ELMO3: variants seen among roughly 807,000 people sequenced by gnomAD.
The protein encoded by ELMO3 is engulfment and cell motility 3.
Under a neutral mutation model 89.0 loss-of-function variants are expected in ELMO3, and 81 were observed. That is an observed-to-expected ratio of 0.91 (90% confidence interval 0.76 to 1.09). ELMO3 has a LOEUF of 1.09. ELMO3 is among the 50% of genes least tolerant of loss of function. The pLI is 0.00. For missense variants in ELMO3, 959 were observed against 972.8 expected, an observed-to-expected ratio of 0.99 and a Z score of 0.19; for synonymous variants, 406 against 400.6, an observed-to-expected ratio of 1.01 and a Z score of -0.16.
rs780213543 is a variant in ELMO3, at chr16:67,200,706, T to A, written c.563T>A (p.Leu188Gln). Residue 188 changes from leucine to glutamine, a missense_variant, in exon 7 of 20, where the codon CTG (leucine) becomes CAG (glutamine). Coordinates refer to ENST00000393997, the MANE Select transcript of ELMO3 (RefSeq NM_024712.5). ...MNLMDASVPP[L>Q]ALGLLESVTL... Reference sequence around the variant, plus strand: ...CTCATGGATGCCTCCGTGCCTCCCCTGGCCCTTGGGCTGCTGGAGAGTGTG... The same window carrying A: ...CTCATGGATGCCTCCGTGCCTCCCCAGGCCCTTGGGCTGCTGGAGAGTGTG... 3.7e-6 allele frequency: 6 copies of A among 1,613,520 alleles called. No individual in the cohort carries two copies. In the Admixed American group the frequency reaches 5.0e-5, roughly 13 times the overall value.
chr16:67,199,139 C>A lies in ELMO3; in HGVS notation c.-188C>A. 1 of 1,599,208 alleles carries A rather than the reference C, an allele frequency of 6.3e-7. No individual in the cohort carries two copies. Among genetic ancestry groups the A allele is most frequent in the Non-Finnish European group, 8.5e-7 (1 of 1,175,776 alleles). On this transcript the variant is annotated 5_prime_UTR_variant, in exon 1 of 20. Transcript: ENST00000393997. ...CCCCCAGACTCCAACCCGGAACTAA[C>A]CTCGGCTCCCTTGGGAAGGCCGCGT...
chr16:67,201,433 A>G lies in ELMO3; in HGVS notation c.793A>G (p.Lys265Glu), dbSNP rs763563032. 5.6e-6 allele frequency: 9 copies of G among 1,613,832 alleles called. No homozygotes were observed. The highest frequency in any genetic ancestry group is 6.8e-6 in the Non-Finnish European group (8 of 1,179,974). ...WQRNLRQFIYKNIIHSAAPMG... is the reference protein window; with the variant it reads ...WQRNLRQFIYENIIHSAAPMG... ...GAGGAACCTTCGCCAGTTCATCTAT[A>G]AGGTAGGAAGTGGTGGGCCAGGGGG... Residue 265 changes from lysine to glutamate, a missense_variant and splice_region_variant, in exon 9 of 20, where the codon AAG becomes GAG. Physicochemically the swap from Lys to Glu is moderately conservative, Grantham distance 56. Coordinates refer to ENST00000393997, the MANE Select transcript of ELMO3 (RefSeq NM_024712.5).
In ELMO3 at chr16:67,199,160, C is replaced by G. The variant is rs775931538; in HGVS notation, c.-167C>G. ...CTAACCTCGGCTCCCTTGGGAAGGC[C>G]GCGTTGCATGGCCAGGAGCAGCAGT... On this transcript the variant is annotated 5_prime_UTR_variant, in exon 1 of 20. Coordinates refer to ENST00000393997, the MANE Select transcript of ELMO3 (RefSeq NM_024712.5). 19 of 1,607,360 alleles carry G rather than the reference C, an allele frequency of 1.2e-5. No homozygotes were observed. Among genetic ancestry groups the G allele is most frequent in the African/African-American group, 2.7e-5 (2 of 74,910 alleles).
Position 67,202,738 on chromosome 16 carries a change from C to T in ELMO3, c.1510C>T (p.Leu504=). The T allele has an allele frequency of 6.2e-7, 1 of 1,613,682 alleles. No individual in the cohort carries two copies. The highest frequency in any genetic ancestry group is 8.5e-7 in the Non-Finnish European group (1 of 1,179,998). ...GCTCACTTATGGGGAGGTGCTGCGGCTGCGGCAGACTGAACGGCTGCACCA... is the reference window on the plus strand; with the variant it reads ...GCTCACTTATGGGGAGGTGCTGCGGTTGCGGCAGACTGAACGGCTGCACCA... The part of the protein sequence containing the change: ...NALTYGEVLR[L]RQTERLHQEG... The change falls in exon 15 of 20, where the codon CTG becomes TTG. Residue 504 remains leucine, a synonymous_variant. Transcript: ENST00000393997.
In ELMO3 at chr16:67,203,206, A is replaced by G. The variant is rs913667089; in HGVS notation, c.1763A>G (p.Glu588Gly). The G allele has an allele frequency of 7.5e-6, 12 of 1,609,830 alleles. No homozygotes were observed. Among genetic ancestry groups the G allele is most frequent in the Admixed American group, 1.7e-5 (1 of 59,902 alleles). ...MEEGASPPTLESLPEQLPVAD... is the reference protein window; with the variant it reads ...MEEGASPPTLGSLPEQLPVAD... ...GAGGGCGCCAGCCCGCCTACCCTGG[A>G]GAGTCTGCCCGAGCAACGTAAGGCG... Residue 588 changes from glutamate to glycine, a missense_variant, in exon 17 of 20, where the codon GAG becomes GGG. By Grantham distance (98) the Glu-to-Gly change is moderately conservative (BLOSUM62 -2). Transcript: ENST00000393997. The surrounding 1 kb of genome is among the most constrained non-coding windows in gnomAD (Gnocchi z 4.6).
Position 67,201,647 on chromosome 16 carries a change from G to A in ELMO3, c.918+5G>A, listed in dbSNP as rs1471395017. The A allele has an allele frequency of 6.2e-7, 1 of 1,611,722 alleles. No individual in the cohort carries two copies. Among genetic ancestry groups the A allele is most frequent in the East Asian group, 2.2e-5 (1 of 44,872 alleles). ...CCCCTGGACCCCTACAGCCAGGTGT[G>A]TGTCTTTGGTGAGGACAAGGCAGGG... On this transcript the variant is annotated splice_donor_5th_base_variant and intron_variant, in intron 10 of 19. Transcript: ENST00000393997.
At position 67,199,695 on chromosome 16, in the gene ELMO3, C is replaced by T. The variant is rs1258781730; in HGVS notation, c.131C>T (p.Thr44Met). 6.2e-7 allele frequency: 1 copy of T among 1,610,774 alleles called. No homozygotes were observed. Among genetic ancestry groups the T allele is most frequent in the Non-Finnish European group, 8.5e-7 (1 of 1,179,862 alleles). ...LKEVCDAWSL[T>M]HSERYALQFA... ...CTCGTGCCCCTCAGGTGGAGCCTGACGCACTCTGAGCGTTACGCCCTGCAG... is the reference window on the plus strand; with the variant it reads ...CTCGTGCCCCTCAGGTGGAGCCTGATGCACTCTGAGCGTTACGCCCTGCAG... The change falls in exon 3 of 20, where the codon ACG becomes ATG. Residue 44 changes from threonine to methionine, a missense_variant. Thr to Met is a moderately conservative substitution (Grantham distance 81, BLOSUM62 -1). Coordinates refer to ENST00000393997, the MANE Select transcript of ELMO3 (RefSeq NM_024712.5).
At chr16:67,201,714 C>T (rs1273616929) in intron 10 of ELMO3, 28 bp from the exon 11 acceptor site, 18 of 1,607,742 alleles carry the variant, frequency 1.1e-5, no homozygotes, top group Non-Finnish European at 1.4e-5. Context: ...TCTTGATCCC[C>T]TCCCCCGCCA....
chr16:67,200,206 G>A lies in ELMO3; in HGVS notation c.258G>A (p.Glu86=). 6.2e-7 allele frequency: 1 copy of A among 1,612,588 alleles called. No homozygotes were observed. Residue 86 remains glutamate (E), a synonymous_variant, in exon 5 of 20, where the codon GAG becomes GAA. Transcript: ENST00000393997. The part of the protein sequence containing the change: ...CLSTAPDLEA[E]QLLGGLQSNS... ...GTTCCTGCCAGGACCTTGAGGCTGA[G>A]CAGCTCTTGGGTGGGCTGCAGAGTA...
chr16:67,203,982 TAAAG>T lies in ELMO3; in HGVS notation c.*106_*109del. On this transcript the variant is annotated 3_prime_UTR_variant, in exon 20 of 20. Transcript: ENST00000393997. This position sits in a 1 kb window ranked among gnomAD's most constrained non-coding sequence, Gnocchi z 4.6. Reference sequence around the variant, plus strand: ...TGACCAGCAGAGATTGCTGCAGAAATAAAGTCTGCTTGGCTCTTGGGATATGTTG... The same window carrying T: ...TGACCAGCAGAGATTGCTGCAGAAATTCTGCTTGGCTCTTGGGATATGTTG... The T allele has an allele frequency of 9.4e-7, 1 of 1,063,528 alleles. No individual in the cohort carries two copies. Among genetic ancestry groups the T allele is most frequent in the Admixed American group, 2.8e-5 (1 of 35,796 alleles). 65.9% of individuals were successfully genotyped at this position (1,063,528 alleles called of 1,614,324 possible). A position where few individuals can be genotyped will look rare whatever the true frequency, so the allele number is the denominator to read the frequency against.
chr16:67,199,476 G>GCCCCCCCCC, intron 1 of ELMO3, 72 bp downstream of exon 1: 1 of 1,503,574 alleles, frequency 6.7e-7, no homozygotes, highest in Non-Finnish European at 9.0e-7. Flanking sequence ...CCTCGGGGCA[G>GCCCCCCCCC]CCCGCCCCAC....
At position 67,202,456 on chromosome 16, in the gene ELMO3, G is replaced by A. The variant is rs78664266; in HGVS notation, c.1321G>A (p.Glu441Lys). 6.8e-6 allele frequency: 11 copies of A among 1,613,610 alleles called. No individual in the cohort carries two copies. The highest frequency in any genetic ancestry group is 2.2e-5 in the East Asian group (1 of 44,890). ...CTTCGGCCAAGACCAGAGCTTCCACGAGCTCTTCTGTGTGGGCATCCAGCT... is the reference window on the plus strand; with the variant it reads ...CTTCGGCCAAGACCAGAGCTTCCACAAGCTCTTCTGTGTGGGCATCCAGCT... ...MFFGQDQSFH[E>K]LFCVGIQLLN... The change falls in exon 14 of 20, where the codon GAG becomes AAG. Residue 441 changes from glutamate (E) to lysine (K), a missense_variant. By Grantham distance (56) the Glu-to-Lys change is moderately conservative. Coordinates refer to ENST00000393997, the MANE Select transcript of ELMO3 (RefSeq NM_024712.5).
At position 67,199,361 on chromosome 16, in the gene ELMO3, T is replaced by G. The variant is rs1191884214; in HGVS notation, c.35T>G (p.Ile12Ser). ...CCGCGGAACGTGGTGAAGATTGCCA[T>G]CAAGATGCGTGACGCCATCCCGCAG... ...APPRNVVKIA[I>S]KMRDAIPQLI... Residue 12 changes from isoleucine to serine, a missense_variant, in exon 1 of 20, where the codon ATC becomes AGC. By Grantham distance (142) the Ile-to-Ser change is moderately radical. Coordinates refer to ENST00000393997, the MANE Select transcript of ELMO3 (RefSeq NM_024712.5). 2 of 1,610,220 alleles carry G rather than the reference T, an allele frequency of 1.2e-6. No individual in the cohort carries two copies. The highest frequency in any genetic ancestry group is 2.2e-5 in the South Asian group (2 of 90,992).
rs1567690473 is a variant in ELMO3 at position 67,199,605 on chromosome 16, CGGGCCA to C, written c.119+18_119+23del. On this transcript the variant is annotated intron_variant, in intron 2 of 19. Coordinates refer to ENST00000393997, the MANE Select transcript of ELMO3 (RefSeq NM_024712.5). ...GAGGTGTGCGACGCGTGAGTGCTGC[CGGGCCA>C]GGGCCTGCGGAGGGCGGGAGGGCAG... 1.2e-6 allele frequency: 2 copies of C among 1,609,148 alleles called. No homozygotes were observed. The highest frequency in any genetic ancestry group is 2.2e-5 in the South Asian group (2 of 90,826).
At position 67,202,953 on chromosome 16, in the gene ELMO3, C is replaced by T. The variant is rs376215282; in HGVS notation, c.1624C>T (p.Arg542Cys). The change falls in exon 16 of 20, where the codon CGC (arginine) becomes TGC (cysteine). Residue 542 changes from arginine to cysteine, a missense_variant. Physicochemically the swap from Arg to Cys is radical, Grantham distance 180. Transcript: ENST00000393997. ...CCTGATCCGCCAGCAGCGCTTGCTC[C>T]GCCTCTGTGAGGGGACGCTCTTCCG... ...MGLIRQQRLL[R>C]LCEGTLFRKI... The T allele has an allele frequency of 3.7e-5, 60 of 1,609,642 alleles. 1 individual carries two copies. The highest frequency in any genetic ancestry group is 4.6e-5 in the Non-Finnish European group (54 of 1,179,978).
At position 67,201,811 on chromosome 16, in the gene ELMO3, G is replaced by C; in HGVS notation, c.988G>C (p.Gly330Arg). The C allele has an allele frequency of 6.2e-7, 1 of 1,611,998 alleles. No homozygotes were observed. Among genetic ancestry groups the C allele is most frequent in the Non-Finnish European group, 8.5e-7 (1 of 1,179,972 alleles). ...FEVEGESSGA[G>R]LSADRRRSLC... is the part of the protein sequence containing the mutation. ...GGTGGAGGGGGAGTCCTCGGGTGCCGGGCTAAGTGCTGACCGTCGCCGTTC... is the reference window on the plus strand; with the variant it reads ...GGTGGAGGGGGAGTCCTCGGGTGCCCGGCTAAGTGCTGACCGTCGCCGTTC... The change falls in exon 11 of 20, where the codon GGG becomes CGG. Residue 330 changes from glycine to arginine, a missense_variant. By Grantham distance (125) the Gly-to-Arg change is moderately radical (BLOSUM62 -2). Coordinates refer to ENST00000393997, the MANE Select transcript of ELMO3 (RefSeq NM_024712.5).
At chr16:67,199,815 C>T (rs2033056389) in intron 3 of ELMO3, 59 bp downstream of exon 3, 3 of 1,603,674 alleles carry the variant, frequency 1.9e-6, no homozygotes, top group African/African-American at 2.7e-5. Flanking sequence ...CCCACCTGGC[C>T]CCGATAACTC....
chr16:67,201,020 C>A, intron 8 of ELMO3, 52 bp downstream of exon 8: 2 of 1,544,240 alleles, frequency 1.3e-6, no homozygotes, highest in Middle Eastern at 2.4e-4. Context: ...GGCGCTGCCC[C>A]ACCCTGAAGC....
At chr16:67,202,860 G>A (rs1196161393) in intron 15 of ELMO3, 32 bp from the exon 16 acceptor site, 1 of 1,613,012 alleles carries the variant, frequency 6.2e-7, no homozygotes, top group African/African-American at 1.3e-5. Flanking sequence ...TACTCCCCAG[G>A]TCAGATGTGC....
Sources: gnomAD v4.1 joint callset for allele counts on GRCh38, gnomAD v4.1.1 for gene constraint, Gnocchi (gnomAD v3.1) non-coding constraint, MANE v1.5 for transcripts, NCBI Gene and HGNC (gene_info 2026-07-23, HGNC 2026-07-21) for gene names.